The following CCBE1 variants were observed in gnomAD, a reference collection of about 807,000 sequenced individuals.
CCBE1 encodes collagen and calcium-binding EGF domain-containing protein 1.
CCBE1 carries 37 observed loss-of-function variants against 50.0 expected under a neutral mutation model. The observed-to-expected ratio is 0.74, with a 90% confidence interval of 0.57 to 0.97. The LOEUF (loss-of-function observed/expected upper bound fraction) is 0.97, where lower values mean the gene tolerates loss of function less well. CCBE1 is among the 50% of genes least tolerant of loss of function. The probability of loss-of-function intolerance (pLI) is 0.00; values close to 1 mark genes in which losing one functional copy is unlikely to be tolerated. For synonymous variants in CCBE1, 234 were observed against 203.7 expected (o/e 1.15, Z -1.27); for missense variants, 538 against 523.8 (o/e 1.03, Z -0.26).
chr18:59,600,403 G>A (rs75603104), intron 2 of CCBE1, among the ~76,000 whole-genome samples: 6,455 of 152,058 alleles, frequency 0.042, 374 homozygotes, highest in African/African-American at 0.13. Context: ...ATGGTGAGTT[G>A]TGTAAGTATG....
intron 2 of CCBE1, among the ~76,000 whole-genome samples, chr18:59,692,011 G>A (rs774842271): frequency 8.5e-5 from 13 of 152,284 alleles, no homozygotes; most frequent in Non-Finnish European, 1.5e-4. Context: ...TAGTCAGGGA[G>A]GTAGCAGGAA....
intron 2 of CCBE1, among the ~76,000 whole-genome samples, chr18:59,653,530 A>T (rs1568255445): frequency 6.6e-6 from 1 of 152,110 alleles, no homozygotes; most frequent in Non-Finnish European, 1.5e-5. Flanking sequence ...TTGTCTGCCA[A>T]TTTTTTCCCC....
At chr18:59,674,232 C>CCAT (rs1185978197) in intron 2 of CCBE1, among the ~76,000 whole-genome samples, 1 of 152,138 alleles carries the variant, frequency 6.6e-6, no homozygotes, top group Non-Finnish European at 1.5e-5. Flanking sequence ...ACCCAAATGC[C>CCAT]CATCAATGAC....
chr18:59,562,952 T>C (rs2187492), intron 2 of CCBE1, among the ~76,000 whole-genome samples: 112,383 of 152,114 alleles, frequency 0.74, 42,331 homozygotes, highest in East Asian at 0.9. Context: ...GTTCAGGGAA[T>C]GGACTCTTCC....
intron 2 of CCBE1, among the ~76,000 whole-genome samples, chr18:59,518,587 G>T (rs933933695): frequency 1.3e-5 from 2 of 152,154 alleles, no homozygotes; most frequent in African/African-American, 4.8e-5. Flanking sequence ...CTAATCAGTG[G>T]GCAGATCAGG....
At chr18:59,508,098 G>A (rs1027816698) in intron 2 of CCBE1, among the ~76,000 whole-genome samples, 4 of 151,564 alleles carry the variant, frequency 2.6e-5, no homozygotes, top group South Asian at 4.2e-4. Context: ...TCACCGTGTC[G>A]GCCAGGATGA....
At chr18:59,678,319 G>A (rs964984494) in intron 2 of CCBE1, among the ~76,000 whole-genome samples, 1 of 152,124 alleles carries the variant, frequency 6.6e-6, no homozygotes, top group African/African-American at 2.4e-5. Flanking sequence ...AAGTCTTCCC[G>A]GCTGTGGGAT....
In CCBE1 at chr18:59,581,781, A is replaced by C. The variant is rs187052445; in HGVS notation, c.213-101543T>G. ...ATGGTTAGCAGCATTCCTGGTATCC[A>C]CCTACTAAATGTCAGTAGCATTTAT... On this transcript the variant is annotated intron_variant, in intron 2 of 10. Coordinates refer to ENST00000439986, the MANE Select transcript of CCBE1 (RefSeq NM_133459.4). Among the ~76,000 whole-genome samples, 369 of 152,264 alleles carry C rather than the reference A, an allele frequency of 2.4e-3. 4 individuals are homozygous for C. The highest frequency in any genetic ancestry group is 8.5e-3 in the African/African-American group (354 of 41,540).
chr18:59,583,799 C>T (rs984390076), intron 2 of CCBE1, among the ~76,000 whole-genome samples: 9 of 151,964 alleles, frequency 5.9e-5, no homozygotes, highest in Non-Finnish European at 1.0e-4. Context: ...TTATTAGGAC[C>T]CTTTAAACAA....
chr18:59,463,021 AAAT>A (rs1395317281), intron 5 of CCBE1, among the ~76,000 whole-genome samples: 1 of 152,236 alleles, frequency 6.6e-6, no homozygotes, highest in African/African-American at 2.4e-5. Flanking sequence ...CATCAACTAA[AAAT>A]AATTCTTGAT....
intron 2 of CCBE1, among the ~76,000 whole-genome samples, chr18:59,542,395 G>A (rs1044119843): frequency 4.6e-5 from 7 of 152,026 alleles, no homozygotes; most frequent in Non-Finnish European, 7.4e-5. Context: ...ATTCCACAAA[G>A]GCAGAATTCT....
At chr18:59,647,845 T>A (rs1308380841) in intron 2 of CCBE1, among the ~76,000 whole-genome samples, 1 of 152,182 alleles carries the variant, frequency 6.6e-6, no homozygotes, top group Non-Finnish European at 1.5e-5. Flanking sequence ...TGAGTAAAAA[T>A]TTATTTTAAA....
intron 3 of CCBE1, among the ~76,000 whole-genome samples, chr18:59,478,483 C>T (rs752650192): frequency 2.0e-5 from 3 of 152,152 alleles, no homozygotes; most frequent in Non-Finnish European, 4.4e-5. Context: ...TAGCAAAAAG[C>T]AACAGAGCAG....
intron 2 of CCBE1, among the ~76,000 whole-genome samples, chr18:59,660,794 C>T (rs1264649963): frequency 2.0e-5 from 3 of 152,176 alleles, no homozygotes; most frequent in Non-Finnish European, 2.9e-5. Flanking sequence ...ATGTGATTCA[C>T]GGAAGCAATC....
At chr18:59,461,181 G>A (rs899152634) in intron 5 of CCBE1, among the ~76,000 whole-genome samples, 4 of 151,846 alleles carry the variant, frequency 2.6e-5, no homozygotes, top group Non-Finnish European at 4.4e-5. Flanking sequence ...CTTTGGTTCC[G>A]CATTACTTCA....
intron 2 of CCBE1, among the ~76,000 whole-genome samples, chr18:59,566,071 T>C (rs2144468645): frequency 6.6e-6 from 1 of 152,260 alleles, no homozygotes; most frequent in East Asian, 1.9e-4. Flanking sequence ...AAAAGCCATA[T>C]CTGGTAACTG....
At chr18:59,536,490 T>C (rs977174377) in intron 2 of CCBE1, among the ~76,000 whole-genome samples, 8 of 152,218 alleles carry the variant, frequency 5.3e-5, no homozygotes, top group South Asian at 2.1e-4. Flanking sequence ...AAGATTTCTA[T>C]GTTCAAAGGA....
At chr18:59,545,589 C>T (rs904506620) in intron 2 of CCBE1, among the ~76,000 whole-genome samples, 4 of 152,156 alleles carry the variant, frequency 2.6e-5, no homozygotes, top group African/African-American at 4.8e-5. Flanking sequence ...TAGTTTATTG[C>T]AATTACAAAT....
At chr18:59,452,551 C>A (rs561703312) in intron 6 of CCBE1, among the ~76,000 whole-genome samples, 1 of 152,194 alleles carries the variant, frequency 6.6e-6, no homozygotes, top group South Asian at 2.1e-4. Context: ...AGAGATCACA[C>A]CACTGCACTC....
Sources: allele counts gnomAD v4.1 joint callset (sites outside exome capture counted in the v4.1 genomes callset), GRCh38; gene constraint gnomAD v4.1.1; transcripts MANE v1.5; gene names NCBI Gene and HGNC (gene_info 2026-07-23, HGNC 2026-07-21).